Variants in CRACR2A observed in about 807,000 individuals in gnomAD.
The protein encoded by CRACR2A is calcium release activated channel regulator 2A.
A neutral mutation model predicts 90.5 loss-of-function variants in CRACR2A; 79 were observed. The observed-to-expected ratio is 0.87, with a 90% CI of 0.73 to 1.05. CRACR2A has a LOEUF of 1.05. Ranked by LOEUF, CRACR2A falls within the 50% of genes least tolerant of loss-of-function variation. The pLI is 0.00. For synonymous variants in CRACR2A, 338 were observed against 356.7 expected (o/e 0.95, Z 0.59); for missense variants, 823 against 897.2 (o/e 0.92, Z 1.06).
intron 12 of CRACR2A, among the ~76,000 whole-genome samples, chr12:3,643,805 TTATA>T (rs200457956): frequency 4.5e-5 from 5 of 109,942 alleles, no homozygotes; most frequent in Admixed American, 1.3e-4. Flanking sequence ...ATAATATATA[TTATA>T]TATATATTTA....
chr12:3,733,433 C>T (rs1003353253), intron 1 of CRACR2A, among the ~76,000 whole-genome samples: 2 of 152,272 alleles, frequency 1.3e-5, no homozygotes, highest in African/African-American at 4.8e-5. Context: ...AAGCTTCTTG[C>T]CAATGGGTAG....
intron 13 of CRACR2A, among the ~76,000 whole-genome samples, chr12:3,639,057 C>T (rs1052486549): frequency 6.6e-6 from 1 of 152,180 alleles, no homozygotes; most frequent in African/African-American, 2.4e-5. Flanking sequence ...GCAAAACATC[C>T]TCAGCAGTGT....
chr12:3,684,666 A>G (rs555543717), intron 4 of CRACR2A, among the ~76,000 whole-genome samples: 2 of 152,358 alleles, frequency 1.3e-5, no homozygotes, highest in African/African-American at 4.8e-5. Flanking sequence ...GTGCAGGCGT[A>G]TAATTCCACT....
In CRACR2A at chr12:3,737,822, T is replaced by A. The variant is rs74058315; in HGVS notation, c.-386-4612A>T. 8.7e-3 allele frequency among the ~76,000 whole-genome samples: 1,318 copies of A among 152,336 alleles called. 29 individuals are homozygous for A. The highest frequency in any genetic ancestry group is 0.03 in the African/African-American group (1,245 of 41,568). On this transcript the variant is annotated intron_variant, in intron 1 of 19. Coordinates refer to ENST00000440314, the MANE Select transcript of CRACR2A (RefSeq NM_001144958.2). ...ATCCTTTGAATTCCAAGGCATCAAG[T>A]CCTACTGGCTTTTGTAGGGCTCAGA...
intron 13 of CRACR2A, among the ~76,000 whole-genome samples, chr12:3,639,541 G>C (rs1944524620): frequency 6.6e-6 from 1 of 150,766 alleles, no homozygotes. Flanking sequence ...TGGGGTGATA[G>C]AGCCAAAGGA....
chr12:3,683,709 G>C (rs1050204068), intron 4 of CRACR2A, among the ~76,000 whole-genome samples: 4 of 152,208 alleles, frequency 2.6e-5, no homozygotes, highest in African/African-American at 9.7e-5. Flanking sequence ...AGTGCTCTGA[G>C]AACAGGGACC....
chr12:3,736,464 T>C (rs1352484332), intron 1 of CRACR2A, among the ~76,000 whole-genome samples: 1 of 152,068 alleles, frequency 6.6e-6, no homozygotes, highest in African/African-American at 2.4e-5. Context: ...CCATGGGACA[T>C]TGGAGTGGAG....
At chr12:3,677,891 A>T (rs985177406) in intron 6 of CRACR2A, among the ~76,000 whole-genome samples, 1 of 152,164 alleles carries the variant, frequency 6.6e-6, no homozygotes, top group Non-Finnish European at 1.5e-5. Context: ...AGCCTTTCCC[A>T]GTTCTGCCAC....
chr12:3,629,185 G>A (rs974355530), intron 15 of CRACR2A, among the ~76,000 whole-genome samples: 2 of 151,920 alleles, frequency 1.3e-5, no homozygotes, highest in African/African-American at 2.4e-5. Context: ...CACACACACC[G>A]AGAGATGAAG....
chr12:3,655,128 G>T (rs1177198776), intron 9 of CRACR2A, among the ~76,000 whole-genome samples: 1 of 152,174 alleles, frequency 6.6e-6, no homozygotes, highest in African/African-American at 2.4e-5. Context: ...AATGAATATG[G>T]CCGGCAAGGG....
chr12:3,720,192 GGGGAGGGA>G (rs1209999797), intron 2 of CRACR2A, among the ~76,000 whole-genome samples: 1 of 107,478 alleles, frequency 9.3e-6, no homozygotes, highest in Non-Finnish European at 1.9e-5. Flanking sequence ...CGGGAGGGAG[GGGGAGGGA>G]GGGAGGGAGA....
At chr12:3,644,466 T>C in intron 12 of CRACR2A, 129 bp downstream of exon 12, 1 of 981,280 alleles carries the variant, frequency 1.0e-6, no homozygotes, top group East Asian at 2.6e-5. Flanking sequence ...CAAAACGTTT[T>C]CATGCCGTCA....
intron 7 of CRACR2A, among the ~76,000 whole-genome samples, chr12:3,666,358 T>TGTGTGTGTGA: frequency 6.7e-6 from 1 of 148,534 alleles, no homozygotes; most frequent in East Asian, 2.0e-4. Context: ...TGTGTGTGCG[T>TGTGTGTGTGA]GCGTGTGCGC....
At chr12:3,674,586 C>T (rs147819618) in intron 6 of CRACR2A, among the ~76,000 whole-genome samples, 97 of 152,264 alleles carry the variant, frequency 6.4e-4, no homozygotes, top group African/African-American at 2.2e-3. Flanking sequence ...GTTATAGCAT[C>T]AAGTTTGAAA....
chr12:3,743,482 C>T (rs568419836), intron 1 of CRACR2A, among the ~76,000 whole-genome samples: 1 of 152,300 alleles, frequency 6.6e-6, no homozygotes, highest in Admixed American at 6.5e-5. Context: ...GACCCTGCAA[C>T]CCAAGGGGTC....
chr12:3,730,075 C>T (rs746781315), intron 2 of CRACR2A: 2 of 152,188 alleles, frequency 1.3e-5, no homozygotes, highest in Non-Finnish European at 2.9e-5. Context: ...GGGCTGCAAT[C>T]TCAAGCATAC....
chr12:3,672,792 T>G, intron 7 of CRACR2A: 5 of 985,436 alleles, frequency 5.1e-6, no homozygotes, highest in Non-Finnish European at 4.8e-6. Context: ...TGAGGAGGAC[T>G]CTGGGTTGTT....
chr12:3,657,420 A>G (rs1043269639), intron 8 of CRACR2A, among the ~76,000 whole-genome samples: 1 of 152,222 alleles, frequency 6.6e-6, no homozygotes, highest in Admixed American at 6.5e-5. Context: ...GTGTCCTGGC[A>G]TGACAGCAGC....
intron 3 of CRACR2A, among the ~76,000 whole-genome samples, chr12:3,698,926 G>A (rs1166244193): frequency 6.6e-6 from 1 of 152,152 alleles, no homozygotes; most frequent in African/African-American, 2.4e-5. Context: ...CTGTCTGCAA[G>A]GTCTCTGCAC....
Sources: allele counts gnomAD v4.1 joint callset (sites outside exome capture counted in the v4.1 genomes callset), GRCh38; gene constraint gnomAD v4.1.1; transcripts MANE v1.5; gene names NCBI Gene and HGNC (gene_info 2026-07-23, HGNC 2026-07-21).